Variants in REPS1 observed in about 807,000 individuals in gnomAD.
The protein encoded by REPS1 is ralBP1-associated Eps domain-containing protein 1.
Under a neutral mutation model 100.9 loss-of-function variants are expected in REPS1, and 39 were observed. The ratio of observed to expected loss-of-function variants is 0.39; its 90% confidence interval spans 0.30 to 0.50. The LOEUF is 0.50. REPS1 is among the 20% of genes least tolerant of loss of function. The pLI, the probability that REPS1 is intolerant of heterozygous loss-of-function variation, is 0.86. For missense variants in REPS1, 821 were observed against 968.5 expected, an observed-to-expected ratio of 0.85 and a Z score of 2.02; for synonymous variants, 324 against 340.3, an observed-to-expected ratio of 0.95 and a Z score of 0.53.
At chr6:138,984,140 C>T (rs1049797647) in intron 1 of REPS1, among the ~76,000 whole-genome samples, 7 of 147,488 alleles carry the variant, frequency 4.7e-5, no homozygotes, top group African/African-American at 1.5e-4. Context: ...AGTGCAGTGG[C>T]GCGATCTTGG....
intron 2 of REPS1, among the ~76,000 whole-genome samples, chr6:138,946,989 T>C (rs1782655423): frequency 6.6e-6 from 1 of 151,304 alleles, no homozygotes; most frequent in Non-Finnish European, 1.5e-5. Flanking sequence ...AGTGAGCAAG[T>C]TCTCATGAGA....
chr6:138,980,691 G>GC lies in REPS1; in HGVS notation c.153+6838_153+6839insG, dbSNP rs1472757243. Among the ~76,000 whole-genome samples, 37 of 137,572 alleles carry GC rather than the reference G, an allele frequency of 2.7e-4. 4 individuals are homozygous for GC. Among genetic ancestry groups the GC allele is most frequent in the African/African-American group, 9.8e-4 (37 of 37,628 alleles). 90.3% of individuals were successfully genotyped at this position (137,572 alleles called of 152,430 possible). A position where few individuals can be genotyped will look rare whatever the true frequency, so the allele number is the denominator to read the frequency against. Reference sequence around the variant, plus strand: ...TTTTTTTTTGTGGGTGGGGCGGGGGGGGGGGGGAACGGAGACTTGCTCTGT... The same window carrying GC: ...TTTTTTTTTGTGGGTGGGGCGGGGGGCGGGGGGGAACGGAGACTTGCTCTGT... On this transcript the variant is annotated intron_variant, in intron 1 of 19. Transcript: ENST00000450536.
intron 10 of REPS1, among the ~76,000 whole-genome samples, chr6:138,922,026 C>T (rs1780808868): frequency 7.1e-6 from 1 of 141,168 alleles, no homozygotes; most frequent in Non-Finnish European, 1.6e-5. Context: ...TTAAAAAATG[C>T]TCTTATAAAA....
At chr6:138,945,728 A>G in intron 2 of REPS1, 31 bp from the exon 3 acceptor site, 1 of 1,478,970 alleles carries the variant, frequency 6.8e-7, no homozygotes, top group African/African-American at 1.4e-5. Context: ...ATTACTTCAA[A>G]ATAAAAAAGG....
At chr6:138,915,744 A>C in intron 14 of REPS1, 114 bp downstream of exon 14, 1 of 799,256 alleles carries the variant, frequency 1.3e-6, no homozygotes, top group Non-Finnish European at 2.0e-6. Flanking sequence ...ACCACACTCG[A>C]CCAGATAAAT....
intron 1 of REPS1, among the ~76,000 whole-genome samples, chr6:138,981,964 A>T (rs531599069): frequency 1.3e-5 from 2 of 151,950 alleles, no homozygotes; most frequent in East Asian, 3.9e-4. Flanking sequence ...AAGAAGACAG[A>T]AATTTTAAAA....
In REPS1 at chr6:138,965,230, A is replaced by G. The variant is rs374384590; in HGVS notation, c.154-17317T>C. Reference sequence around the variant, plus strand: ...TAAAACACTTCTGATAGCCTCAAACATAAGAACTCCAATGTGAAAAATAGT... The same window carrying G: ...TAAAACACTTCTGATAGCCTCAAACGTAAGAACTCCAATGTGAAAAATAGT... On this transcript the variant is annotated intron_variant, in intron 1 of 19. Coordinates refer to ENST00000450536, the MANE Select transcript of REPS1 (RefSeq NM_001286611.2). Among the ~76,000 whole-genome samples, 3 of 152,268 alleles carry G rather than the reference A, an allele frequency of 2.0e-5. 1 individual carries two copies.
rs368599287 is a variant in REPS1 at position 138,962,083 on chromosome 6, A to C, written c.154-14170T>G. Among the ~76,000 whole-genome samples the C allele has an allele frequency of 2.0e-5, 3 of 152,310 alleles. 1 individual carries two copies. On this transcript the variant is annotated intron_variant, in intron 1 of 19. Transcript: ENST00000450536. The stretch of plus-strand genomic sequence containing the variant: ...AGTGTGGAGTCAAAATAATTTTTTA[A>C]AATATGCAGACCAAACACAACACTT...
chr6:138,924,376 C>T (rs879786001), intron 10 of REPS1, among the ~76,000 whole-genome samples: 1 of 152,170 alleles, frequency 6.6e-6, no homozygotes, highest in Non-Finnish European at 1.5e-5. Context: ...TAATTTTAGA[C>T]ACTAGAGCTG....
chr6:138,943,500 A>G lies in REPS1; in HGVS notation c.980+13T>C. 1 of 1,533,070 alleles carries G rather than the reference A, an allele frequency of 6.5e-7. No homozygotes were observed. The highest frequency in any genetic ancestry group is 9.0e-7 in the Non-Finnish European group (1 of 1,109,322). The allele number at this position is 1,533,070 out of a possible 1,614,324, so 95.0% of individuals were successfully genotyped here. On this transcript the variant is annotated intron_variant, in intron 7 of 19. Transcript: ENST00000450536. Reference sequence around the variant, plus strand: ...GCAACCCAGTTACCCAACTAATGATATACCACACTTACCAAATATGAGAAA... The same window carrying G: ...GCAACCCAGTTACCCAACTAATGATGTACCACACTTACCAAATATGAGAAA...
At chr6:138,912,536 C>A in intron 16 of REPS1, 1 of 533,112 alleles carries the variant, frequency 1.9e-6, no homozygotes, top group South Asian at 2.2e-5. Flanking sequence ...CACGGCCAGG[C>A]GGTGGTGTCT....
intron 14 of REPS1, among the ~76,000 whole-genome samples, 174 bp downstream of exon 14, chr6:138,915,684 C>G (rs983070310): frequency 6.6e-6 from 1 of 151,996 alleles, no homozygotes; most frequent in Middle Eastern, 3.2e-3. Context: ...AACTCATAAC[C>G]TCAAGTGATC....
At position 138,969,269 on chromosome 6, in the gene REPS1, A is replaced by ATTTTTTTTTTTTTTTTTTT. The variant is rs71013004; in HGVS notation, c.153+18242_153+18260dup. Among the ~76,000 whole-genome samples the ATTTTTTTTTTTTTTTTTTT allele has an allele frequency of 1.5e-3, 109 of 74,248 alleles. 15 individuals are homozygous for ATTTTTTTTTTTTTTTTTTT. Among genetic ancestry groups the ATTTTTTTTTTTTTTTTTTT allele is most frequent in the East Asian group, 3.1e-3 (6 of 1,944 alleles). The allele number at this position is 74,248 out of a possible 152,430, so 48.7% of individuals were successfully genotyped here. A position where few individuals can be genotyped will look rare whatever the true frequency, so the allele number is the denominator to read the frequency against. On this transcript the variant is annotated intron_variant, in intron 1 of 19. Transcript: ENST00000450536. Reference sequence around the variant, plus strand: ...ACACAATCTATGATACAAAGCTGTAATTTTTTTTTTTTTTTTTTTTTTTTT... The same window carrying ATTTTTTTTTTTTTTTTTTT: ...ACACAATCTATGATACAAAGCTGTAATTTTTTTTTTTTTTTTTTTTTTTTTTTTTTTTTTTTTTTTTTTT...
intron 1 of REPS1, among the ~76,000 whole-genome samples, chr6:138,957,019 A>C (rs534407708): frequency 6.8e-6 from 1 of 147,838 alleles, no homozygotes; most frequent in East Asian, 2.0e-4. Context: ...TAGGAATATT[A>C]AAGATAAATT....
chr6:138,942,608 A>T (rs926096761), intron 7 of REPS1, among the ~76,000 whole-genome samples: 8 of 151,910 alleles, frequency 5.3e-5, no homozygotes, highest in South Asian at 4.2e-4. Flanking sequence ...CACCTTGCTA[A>T]TTTTTTTCTT....
rs1235491233 is a variant in REPS1 at position 138,916,187 on chromosome 6, A to G, written c.1602-211T>C. The G allele has an allele frequency of 8.3e-5, 40 of 483,360 alleles. 1 individual carries two copies. The South Asian group carries it at 1.1e-3, about 14-fold the overall frequency. The allele number at this position is 483,360 out of a possible 1,614,324, so 29.9% of individuals were successfully genotyped here. ...ATTTTATGTGGCTAACAATTTTTTTAATAAAGTTATTAAGCAAAATTTCTT... is the reference window on the plus strand; with the variant it reads ...ATTTTATGTGGCTAACAATTTTTTTGATAAAGTTATTAAGCAAAATTTCTT... On this transcript the variant is annotated intron_variant, in intron 13 of 19. Transcript: ENST00000450536.
chr6:138,968,232 C>T (rs1022626075), intron 1 of REPS1, among the ~76,000 whole-genome samples: 1 of 152,200 alleles, frequency 6.6e-6, no homozygotes, highest in Non-Finnish European at 1.5e-5. Context: ...AAGAATTAAA[C>T]TTCAACTTAA....
chr6:138,975,383 T>G (rs1784545967), intron 1 of REPS1, among the ~76,000 whole-genome samples: 1 of 152,118 alleles, frequency 6.6e-6, no homozygotes, highest in African/African-American at 2.4e-5. Context: ...AATAGAAGGG[T>G]TGGGAAAGCA....
At position 138,949,651 on chromosome 6, in the gene REPS1, G is replaced by A. The variant is rs192481595; in HGVS notation, c.154-1738C>T. Among the ~76,000 whole-genome samples the A allele has an allele frequency of 1.7e-3, 251 of 152,020 alleles. 1 individual carries two copies. The highest frequency in any genetic ancestry group is 7.9e-4 in the Non-Finnish European group (54 of 67,974). On this transcript the variant is annotated intron_variant, in intron 1 of 19. Coordinates refer to ENST00000450536, the MANE Select transcript of REPS1 (RefSeq NM_001286611.2). ...TGAGGTGAGAGGATCATTTGAACTC[G>A]GGAGATGGAGGTTGCAGTGAGCCGA...
Sources: gnomAD v4.1 joint callset for allele counts (sites outside exome capture counted in the v4.1 genomes callset) on GRCh38, gnomAD v4.1.1 for gene constraint, MANE v1.5 for transcripts, NCBI Gene and HGNC (gene_info 2026-07-23, HGNC 2026-07-21) for gene names.